The following SYNDIG1L variants were observed in gnomAD, a reference collection of about 807,000 sequenced individuals.
The protein encoded by SYNDIG1L is synapse differentiation-inducing gene protein 1-like.
A neutral mutation model predicts 20.1 loss-of-function variants in SYNDIG1L; 13 were observed. That is an observed-to-expected ratio of 0.65 (90% CI 0.42 to 1.03). SYNDIG1L has a LOEUF of 1.03. Ranked by LOEUF, SYNDIG1L falls within the 50% of genes least tolerant of loss-of-function variation. The probability of loss-of-function intolerance (pLI) is 0.00; values close to 1 mark genes in which losing one functional copy is unlikely to be tolerated. For synonymous variants in SYNDIG1L, 128 were observed against 129.3 expected (o/e 0.99, Z 0.07); for missense variants, 294 against 305.1 (o/e 0.96, Z 0.27).
intron 1 of SYNDIG1L, among the ~76,000 whole-genome samples, chr14:74,421,180 C>A (rs1019679841): frequency 2.0e-5 from 3 of 152,084 alleles, no homozygotes; most frequent in Admixed American, 1.3e-4. Context: ...CAATAACAGG[C>A]TGCTATGAAA....
At chr14:74,422,239 G>T (rs2086228018) in intron 1 of SYNDIG1L, among the ~76,000 whole-genome samples, 1 of 152,092 alleles carries the variant, frequency 6.6e-6, no homozygotes, top group Admixed American at 6.5e-5. Flanking sequence ...GGGGGCAGCT[G>T]CAGGGAGGAA....
At chr14:74,411,264 C>T (rs1012668986) in intron 1 of SYNDIG1L, among the ~76,000 whole-genome samples, 1 of 152,172 alleles carries the variant, frequency 6.6e-6, no homozygotes, top group Non-Finnish European at 1.5e-5. Flanking sequence ...TCCATACATC[C>T]CCATAAAGTT....
the SYNDIG1L span, among the ~76,000 whole-genome samples, chr14:74,458,584 T>C: frequency 7.0e-6 from 1 of 141,872 alleles, no homozygotes; most frequent in Non-Finnish European, 1.5e-5. Flanking sequence ...ATCGCACCAT[T>C]GCACTCCAGC....
chr14:74,444,676 G>A, the SYNDIG1L span, among the ~76,000 whole-genome samples: 2 of 151,974 alleles, frequency 1.3e-5, no homozygotes, highest in Non-Finnish European at 2.9e-5. Context: ...ACTGGAGCCT[G>A]GGAGGCGGAG....
At chr14:74,446,402 A>T in the SYNDIG1L span, among the ~76,000 whole-genome samples, 1 of 152,200 alleles carries the variant, frequency 6.6e-6, no homozygotes, top group Non-Finnish European at 1.5e-5. Context: ...TACCAGAAAC[A>T]AATGGAGTGA....
the SYNDIG1L span, chr14:74,476,549 G>A: frequency 6.5e-7 from 1 of 1,535,712 alleles, no homozygotes; most frequent in East Asian, 2.4e-5. Context: ...CCTGTGCTCT[G>A]TGGCTAGCAT....
chr14:74,417,212 G>A (rs997914627), intron 1 of SYNDIG1L, among the ~76,000 whole-genome samples: 7 of 152,232 alleles, frequency 4.6e-5, no homozygotes, highest in African/African-American at 1.4e-4. Flanking sequence ...CAGAATGCAT[G>A]CTTTTAGCCA....
the SYNDIG1L span, among the ~76,000 whole-genome samples, chr14:74,434,788 G>A: frequency 2.0e-5 from 3 of 151,828 alleles, no homozygotes; most frequent in Non-Finnish European, 4.4e-5. Flanking sequence ...GAAAATCTAG[G>A]GGAAGCTGGC....
chr14:74,473,049 A>T, the SYNDIG1L span, among the ~76,000 whole-genome samples: 1 of 152,164 alleles, frequency 6.6e-6, no homozygotes, highest in Non-Finnish European at 1.5e-5. Context: ...AACCAAATTA[A>T]CCAAGACCAG....
chr14:74,422,193 A>C (rs1342627805), intron 1 of SYNDIG1L, among the ~76,000 whole-genome samples: 1 of 151,940 alleles, frequency 6.6e-6, no homozygotes, highest in African/African-American at 2.4e-5. Context: ...ATCCGGCCCC[A>C]CTCCCTGCTT....
At chr14:74,439,331 T>A in the SYNDIG1L span, among the ~76,000 whole-genome samples, 1 of 152,038 alleles carries the variant, frequency 6.6e-6, no homozygotes, top group African/African-American at 2.4e-5. Flanking sequence ...GGTTCAGAGG[T>A]TAAACAACAC....
intron 1 of SYNDIG1L, among the ~76,000 whole-genome samples, chr14:74,414,130 T>C (rs1205866372): frequency 3.3e-5 from 5 of 152,102 alleles, no homozygotes; most frequent in Non-Finnish European, 4.4e-5. Flanking sequence ...ATCACCACCG[T>C]TGTGGTTTAG....
At chr14:74,417,521 A>C (rs1479104239) in intron 1 of SYNDIG1L, among the ~76,000 whole-genome samples, 2 of 152,236 alleles carry the variant, frequency 1.3e-5, no homozygotes, top group African/African-American at 4.8e-5. Context: ...GCATCCTCCC[A>C]TGAGGTGTTC....
the SYNDIG1L span, chr14:74,479,861 A>C: frequency 1.5e-6 from 1 of 665,190 alleles, no homozygotes; most frequent in Non-Finnish European, 2.1e-6. Context: ...GCACTCTGGG[A>C]CCACGGAACT....
chr14:74,430,239 G>C (rs927118051), upstream of SYNDIG1L, among the ~76,000 whole-genome samples: 1 of 152,074 alleles, frequency 6.6e-6, no homozygotes, highest in Non-Finnish European at 1.5e-5. Context: ...CAGGCTGCTC[G>C]GGGCATGTGA....
intron 1 of SYNDIG1L, among the ~76,000 whole-genome samples, chr14:74,411,129 C>T (rs1442850150): frequency 6.6e-6 from 1 of 152,206 alleles, no homozygotes; most frequent in Non-Finnish European, 1.5e-5. Context: ...GGTGATGGGG[C>T]TGTGTCTTGC....
the SYNDIG1L span, among the ~76,000 whole-genome samples, chr14:74,455,305 A>C: frequency 6.6e-6 from 1 of 151,726 alleles, no homozygotes; most frequent in Non-Finnish European, 1.5e-5. Flanking sequence ...ACCACCCTGG[A>C]GTCCTGCATG....
intron 1 of SYNDIG1L, among the ~76,000 whole-genome samples, chr14:74,425,523 G>C (rs1300893049): frequency 6.6e-6 from 1 of 152,154 alleles, no homozygotes; most frequent in Non-Finnish European, 1.5e-5. Context: ...TTGGGTGCGA[G>C]AAGAGGGGAG....
At chr14:74,420,686 T>A (rs2086214382) in intron 1 of SYNDIG1L, among the ~76,000 whole-genome samples, 1 of 152,178 alleles carries the variant, frequency 6.6e-6, no homozygotes, top group Non-Finnish European at 1.5e-5. Context: ...CCTCTTTTCC[T>A]TCTTAAGTTT....
Sources: allele counts gnomAD v4.1 joint callset (sites outside exome capture counted in the v4.1 genomes callset), GRCh38; gene constraint gnomAD v4.1.1; transcripts MANE v1.5; gene names NCBI Gene and HGNC (gene_info 2026-07-23, HGNC 2026-07-21).